GFRA3: variants seen among roughly 807,000 people sequenced by gnomAD.
GFRA3 encodes GDNF family receptor alpha 3.
Under a neutral mutation model 40.0 loss-of-function variants are expected in GFRA3, and 24 were observed. The ratio of observed to expected loss-of-function variants is 0.60; its 90% CI spans 0.43 to 0.84. The LOEUF (loss-of-function observed/expected upper bound fraction) is 0.84. Ranked by LOEUF, GFRA3 falls within the 40% of genes least tolerant of loss-of-function variation. The pLI is 0.00. For synonymous variants in GFRA3, 203 were observed against 213.5 expected, an observed-to-expected ratio of 0.95 and a Z score of 0.43; for missense variants, 405 against 530.6, an observed-to-expected ratio of 0.76 and a Z score of 2.33.
At position 138,253,277 on chromosome 5, in the gene GFRA3, G is replaced by A. The variant is rs749890357; in HGVS notation, c.1113+10C>T. The A allele has an allele frequency of 1.9e-5, 29 of 1,549,710 alleles. No individual in the cohort carries two copies. The South Asian group carries it at 3.0e-4, about 16-fold the overall frequency. Reference sequence around the variant, plus strand: ...TAAAGGTCTGAGGGGTGTAACAGAGGAGGCCCTACCTGGTGTGCCATCACA... The same window carrying A: ...TAAAGGTCTGAGGGGTGTAACAGAGAAGGCCCTACCTGGTGTGCCATCACA... On this transcript the variant is annotated intron_variant, in intron 7 of 7. Coordinates refer to ENST00000274721, the MANE Select transcript of GFRA3 (RefSeq NM_001496.4).
Position 138,252,801 on chromosome 5 carries a change from G to A in GFRA3, c.*167C>T, listed in dbSNP as rs1755567138. The stretch of plus-strand genomic sequence containing the variant: ...ATCAGAAGTGGAGATGGGGTGGAGG[G>A]AATGAGGACTGGACCAGTAAGGATC... On this transcript the variant is annotated 3_prime_UTR_variant, in exon 8 of 8. Coordinates refer to ENST00000274721, the MANE Select transcript of GFRA3 (RefSeq NM_001496.4). 1.9e-6 allele frequency: 1 copy of A among 532,296 alleles called. No individual in the cohort carries two copies. Among genetic ancestry groups the A allele is most frequent in the East Asian group, 3.1e-5 (1 of 32,420 alleles). The allele number at this position is 532,296 out of a possible 1,614,324, so 33.0% of individuals were successfully genotyped here. A position where few individuals can be genotyped will look rare whatever the true frequency, so the allele number is the denominator to read the frequency against.
chr5:138,271,096 G>A (rs1411357708), intron 1 of GFRA3, among the ~76,000 whole-genome samples: 5 of 151,900 alleles, frequency 3.3e-5, no homozygotes, highest in African/African-American at 1.2e-4. Context: ...GGGTTCAAGC[G>A]ATTCTCCTGC....
rs553598926 is a variant in GFRA3 at position 138,260,490 on chromosome 5, C to A, written c.380-841G>T. On this transcript the variant is annotated intron_variant, in intron 2 of 7. Coordinates refer to ENST00000274721, the MANE Select transcript of GFRA3 (RefSeq NM_001496.4). ...TCTTACTAAAAATGCAATGGGGTGC[C>A]GGGCACGGTGGCTCACACCTGTAAT... 2.0e-5 allele frequency among the ~76,000 whole-genome samples: 3 copies of A among 152,150 alleles called. No individual in the cohort carries two copies. In the East Asian group the frequency reaches 5.8e-4, roughly 29 times the overall value.
chr5:138,254,889 T>C (rs1755604244), intron 4 of GFRA3, among the ~76,000 whole-genome samples: 1 of 150,348 alleles, frequency 6.7e-6, no homozygotes. Context: ...AGCTCAGGGG[T>C]TGGAGACTAC....
intron 1 of GFRA3, among the ~76,000 whole-genome samples, chr5:138,266,774 T>C (rs1259670268): frequency 6.6e-6 from 1 of 151,942 alleles, no homozygotes; most frequent in Non-Finnish European, 1.5e-5. Flanking sequence ...CTCTGCCTCC[T>C]GGGCTCAAGC....
rs776997880 is a variant in GFRA3 at position 138,257,603 on chromosome 5, T to C, written c.785+36A>G. On this transcript the variant is annotated intron_variant, in intron 4 of 7. Coordinates refer to ENST00000274721, the MANE Select transcript of GFRA3 (RefSeq NM_001496.4). ...TGGCCAGGAAGGAGTGGCGTGTGCC[T>C]CATCCCTGCCCACCCTGTCCTCCCA... The C allele has an allele frequency of 3.8e-6, 6 of 1,561,168 alleles. No homozygotes were observed. The Admixed American group carries it at 5.5e-5, about 14-fold the overall frequency.
intron 1 of GFRA3, among the ~76,000 whole-genome samples, chr5:138,270,102 C>T (rs1335129601): frequency 1.3e-5 from 2 of 150,830 alleles, no homozygotes; most frequent in South Asian, 2.1e-4. Flanking sequence ...TGGCTCACGC[C>T]GGTAATCCCA....
chr5:138,264,339 A>C lies in GFRA3; in HGVS notation c.301T>G (p.Cys101Gly), dbSNP rs374362096. The C allele has an allele frequency of 2.5e-6, 4 of 1,613,670 alleles. No homozygotes were observed. Among genetic ancestry groups the C allele is most frequent in the Non-Finnish European group, 3.4e-6 (4 of 1,179,566 alleles). Residue 101 changes from cysteine to glycine, a missense_variant, in exon 2 of 8, where the codon TGC becomes GGC. Transcript: ENST00000274721. ...QQLRNSSLIG[C>G]MCHRRMKNQV... ...TTCTTCATGCGCCGGTGGCACATGC[A>C]GCCTATCAGAGAGCTGTTCCTGAGT...
intron 4 of GFRA3, among the ~76,000 whole-genome samples, chr5:138,254,954 A>G (rs992985542): frequency 2.6e-5 from 4 of 151,930 alleles, no homozygotes; most frequent in African/African-American, 9.7e-5. Context: ...AAAAAAAGAA[A>G]GAGAAAGAGA....
In GFRA3 at chr5:138,271,500, G is replaced by A. The variant is rs1755868668; in HGVS notation, c.91+2834C>T. The stretch of plus-strand genomic sequence containing the variant: ...AACACAGGACTTGATCCAGGGCAAA[G>A]GTCATAATTTGATCCAGTGTGCAAA... On this transcript the variant is annotated intron_variant, in intron 1 of 7. Transcript: ENST00000274721. 2.0e-5 allele frequency among the ~76,000 whole-genome samples: 3 copies of A among 152,116 alleles called. No individual in the cohort carries two copies. The South Asian group carries it at 6.2e-4, about 32-fold the overall frequency.
rs2126609844 is a variant in GFRA3 at position 138,253,268 on chromosome 5, G to GT, written c.1113+18dup. The GT allele has an allele frequency of 6.7e-7, 1 of 1,501,396 alleles. No individual in the cohort carries two copies. The highest frequency in any genetic ancestry group is 1.9e-5 in the Admixed American group (1 of 53,700). 93.0% of individuals were successfully genotyped at this position (1,501,396 alleles called of 1,614,324 possible). On this transcript the variant is annotated intron_variant, in intron 7 of 7. Transcript: ENST00000274721. ...CCGGCCCAGTAAAGGTCTGAGGGGT[G>GT]TAACAGAGGAGGCCCTACCTGGTGT...
intron 3 of GFRA3, among the ~76,000 whole-genome samples, chr5:138,258,649 G>T (rs986656398): frequency 6.6e-6 from 1 of 152,138 alleles, no homozygotes; most frequent in Admixed American, 6.5e-5. Context: ...ATAACCTAGA[G>T]TACCTGCAAC....
chr5:138,271,909 TTTTTTGTG>T (rs1435775409), intron 1 of GFRA3, among the ~76,000 whole-genome samples: 11 of 99,692 alleles, frequency 1.1e-4, no homozygotes, highest in Admixed American at 3.5e-4. Context: ...TTTTTTTTTT[TTTTTTGTG>T]TGTGTGTGTG....
At chr5:138,268,597 A>C (rs1755821772) in intron 1 of GFRA3, among the ~76,000 whole-genome samples, 1 of 152,130 alleles carries the variant, frequency 6.6e-6, no homozygotes, top group Non-Finnish European at 1.5e-5. Context: ...AGCAAGAAAA[A>C]AACAAACAGT....
At chr5:138,268,284 G>GAAAAAAAAAAAA (rs60958894) in intron 1 of GFRA3, among the ~76,000 whole-genome samples, 13 of 33,144 alleles carry the variant, frequency 3.9e-4, no homozygotes, top group South Asian at 2.6e-3. Flanking sequence ...GACTCCATCT[G>GAAAAAAAAAAAA]AAAAAAAAAA....
intron 2 of GFRA3, among the ~76,000 whole-genome samples, chr5:138,263,713 C>A (rs570826185): frequency 6.6e-6 from 1 of 152,236 alleles, no homozygotes; most frequent in Admixed American, 6.5e-5. Flanking sequence ...AGAATTAAAC[C>A]TTTGTTTTGC....
rs1452404055 is a variant in GFRA3, at chr5:138,257,733, G to T, written c.691C>A (p.Arg231=). The change falls in exon 4 of 8, where the codon CGG becomes AGG. Residue 231 remains arginine (R), a synonymous_variant. Transcript: ENST00000274721. The part of the protein sequence containing the change: ...APNDRGCGER[R]RNTIAPNCAL... ...CAGTTGGGGGCGATGGTGTTGCGCC[G>T]GCGCTCCCCGCAGCCCCGGTCGTTG... 1 of 1,609,584 alleles carries T rather than the reference G, an allele frequency of 6.2e-7. No homozygotes were observed. The highest frequency in any genetic ancestry group is 1.7e-5 in the Admixed American group (1 of 59,230).
intron 5 of GFRA3, 71 bp from the exon 6 acceptor site, chr5:138,253,971 G>A (rs1755589058): frequency 1.3e-6 from 2 of 1,578,866 alleles, no homozygotes; most frequent in Admixed American, 3.3e-5. Context: ...TTCCACCCAT[G>A]TCAGGATCAC....
At chr5:138,258,909 T>TCGA (rs1329327922) in intron 3 of GFRA3, among the ~76,000 whole-genome samples, 1 of 152,232 alleles carries the variant, frequency 6.6e-6, no homozygotes, top group Non-Finnish European at 1.5e-5. Flanking sequence ...TATTTGCTGA[T>TCGA]CTTGTCACTT....
Sources: allele counts gnomAD v4.1 joint callset (sites outside exome capture counted in the v4.1 genomes callset), GRCh38; gene constraint gnomAD v4.1.1; transcripts MANE v1.5; gene names NCBI Gene and HGNC (gene_info 2026-07-23, HGNC 2026-07-21).